MGLL: variants seen among roughly 807,000 people sequenced by gnomAD.
MGLL encodes the protein lysophospholipase homolog.
MGLL carries 7 observed loss-of-function variants against 29.1 expected under a neutral mutation model. That is an observed-to-expected ratio of 0.24 (90% confidence interval 0.14 to 0.45). The LOEUF (loss-of-function observed/expected upper bound fraction) is 0.45, where lower values mean the gene tolerates loss of function less well. MGLL is among the 20% of genes least tolerant of loss of function. MGLL has a pLI of 0.99. For synonymous variants in MGLL, 148 were observed against 168.3 expected, an observed-to-expected ratio of 0.88 and a Z score of 0.93; for missense variants, 356 against 413.6, an observed-to-expected ratio of 0.86 and a Z score of 1.21.
At chr3:127,780,590 A>G (rs2077107081) in intron 3 of MGLL, among the ~76,000 whole-genome samples, 1 of 152,246 alleles carries the variant, frequency 6.6e-6, no homozygotes, top group Admixed American at 6.5e-5. Context: ...ACTGTCAGTT[A>G]TGAGGACGCT....
At chr3:127,764,877 C>T (rs1267681794) in intron 3 of MGLL, among the ~76,000 whole-genome samples, 3 of 152,112 alleles carry the variant, frequency 2.0e-5, no homozygotes, top group Non-Finnish European at 2.9e-5. Context: ...TCATTTGGTT[C>T]CTTTTTAATC....
At chr3:127,777,943 C>G (rs887582085) in intron 3 of MGLL, among the ~76,000 whole-genome samples, 3 of 152,210 alleles carry the variant, frequency 2.0e-5, no homozygotes, top group Non-Finnish European at 4.4e-5. Flanking sequence ...CATTCAAACC[C>G]ATGAGTTCAT....
rs935488244 is a variant in MGLL, at chr3:127,692,012, G to T, written c.*186C>A. On this transcript the variant is annotated 3_prime_UTR_variant, in exon 8 of 8. Coordinates refer to ENST00000265052, the MANE Select transcript of MGLL (RefSeq NM_007283.7). The stretch of plus-strand genomic sequence containing the variant: ...ATAAAGTGTCTAACCATTAAGGTAG[G>T]TCCAGTGTCTGATAGTCTAATGTAT... 1.5e-5 allele frequency: 11 copies of T among 734,244 alleles called. No individual in the cohort carries two copies. The highest frequency in any genetic ancestry group is 2.2e-5 in the Non-Finnish European group (10 of 460,372). The allele number at this position is 734,244 out of a possible 1,614,324, so 45.5% of individuals were successfully genotyped here. A position where few individuals can be genotyped will look rare whatever the true frequency, so the allele number is the denominator to read the frequency against.
chr3:127,758,596 C>T lies in MGLL; in HGVS notation c.262+23193G>A, dbSNP rs551974503. Among the ~76,000 whole-genome samples, 11 of 152,308 alleles carry T rather than the reference C, an allele frequency of 7.2e-5. No homozygotes were observed. In the East Asian group the frequency reaches 1.2e-3, roughly 16 times the overall value. On this transcript the variant is annotated intron_variant, in intron 3 of 7. Coordinates refer to ENST00000265052, the MANE Select transcript of MGLL (RefSeq NM_007283.7). ...CCTTGTATAATTAAATGGTGTGTTC[C>T]GTTGTTAGTGCTGACAAAGTGCCAG...
intron 3 of MGLL, among the ~76,000 whole-genome samples, chr3:127,748,742 C>T (rs140273185): frequency 1.3e-5 from 2 of 152,246 alleles, no homozygotes; most frequent in South Asian, 2.1e-4. Context: ...AAATAAATCC[C>T]TGCTGTTGAA....
At chr3:127,800,138 T>C (rs2077450668) in intron 2 of MGLL, among the ~76,000 whole-genome samples, 1 of 152,198 alleles carries the variant, frequency 6.6e-6, no homozygotes, top group Non-Finnish European at 1.5e-5. Context: ...GAGAAGGCAA[T>C]GACCAGCTTT....
intron 2 of MGLL, among the ~76,000 whole-genome samples, chr3:127,786,593 G>A (rs2077217242): frequency 6.6e-6 from 1 of 152,220 alleles, no homozygotes; most frequent in African/African-American, 2.4e-5. Flanking sequence ...CCCTCGAGAT[G>A]AACAAGCCGC....
chr3:127,819,339 C>G lies in MGLL; in HGVS notation c.155+2355G>C, dbSNP rs138711864. Among the ~76,000 whole-genome samples the G allele has an allele frequency of 3.9e-3, 599 of 152,300 alleles. 15 individuals are homozygous for G. In the South Asian group the frequency reaches 0.059, roughly 15 times the overall value. ...GAAAATCTACCCAAACCAGTACTGACTAACCGAGGCTGGCACAGATCCTTC... is the reference window on the plus strand; with the variant it reads ...GAAAATCTACCCAAACCAGTACTGAGTAACCGAGGCTGGCACAGATCCTTC... On this transcript the variant is annotated intron_variant, in intron 2 of 7. Coordinates refer to ENST00000265052, the MANE Select transcript of MGLL (RefSeq NM_007283.7).
chr3:127,727,988 C>T (rs2076078731), intron 3 of MGLL, among the ~76,000 whole-genome samples: 1 of 152,140 alleles, frequency 6.6e-6, no homozygotes, highest in African/African-American at 2.4e-5. Context: ...AGTTTAAATT[C>T]TTACAAACAG....
chr3:127,802,512 G>A (rs1367791451), intron 2 of MGLL, among the ~76,000 whole-genome samples: 1 of 152,162 alleles, frequency 6.6e-6, no homozygotes, highest in Non-Finnish European at 1.5e-5. Flanking sequence ...CACCCCCCTT[G>A]TACTAGGCTG....
At chr3:127,751,363 C>A (rs56264604) in intron 3 of MGLL, among the ~76,000 whole-genome samples, 3,182 of 151,652 alleles carry the variant, frequency 0.021, 50 homozygotes, top group Non-Finnish European at 0.034. Context: ...ATGTGTGCCA[C>A]GCCTGAGCCT....
chr3:127,778,325 AC>A (rs1217836112), intron 3 of MGLL, among the ~76,000 whole-genome samples: 4 of 152,224 alleles, frequency 2.6e-5, no homozygotes, highest in African/African-American at 9.6e-5. Flanking sequence ...GCTCAGGGCA[AC>A]CACACGGGGA....
intron 6 of MGLL, 119 bp downstream of exon 6, chr3:127,710,457 C>T: frequency 1.0e-6 from 1 of 963,506 alleles, no homozygotes; most frequent in Non-Finnish European, 1.6e-6. Context: ...GTGTCCTTGT[C>T]ACTTTGCACA....
At chr3:127,713,608 C>G (rs1159889766) in intron 5 of MGLL, 5 of 151,296 alleles carry the variant, frequency 3.3e-5, no homozygotes, top group African/African-American at 1.2e-4. Flanking sequence ...GACCACCCAG[C>G]ATCCACACCA....
intron 3 of MGLL, among the ~76,000 whole-genome samples, chr3:127,736,824 A>G (rs915640176): frequency 6.6e-6 from 1 of 152,088 alleles, no homozygotes; most frequent in Admixed American, 6.5e-5. Context: ...CTTCCCGAGT[A>G]ACTGGGACCA....
intron 3 of MGLL, among the ~76,000 whole-genome samples, chr3:127,758,425 G>A (rs2076701866): frequency 6.6e-6 from 1 of 152,224 alleles, no homozygotes; most frequent in Non-Finnish European, 1.5e-5. Flanking sequence ...TGGGCATCAA[G>A]CTAATACATT....
intron 2 of MGLL, among the ~76,000 whole-genome samples, chr3:127,795,735 A>G (rs2077372531): frequency 6.6e-6 from 1 of 152,112 alleles, no homozygotes; most frequent in African/African-American, 2.4e-5. Context: ...AAATCTGCAC[A>G]TATGTAATAT....
chr3:127,768,669 T>A (rs762695042), intron 3 of MGLL, among the ~76,000 whole-genome samples: 1 of 152,140 alleles, frequency 6.6e-6, no homozygotes, highest in Non-Finnish European at 1.5e-5. Flanking sequence ...TCCTTCCCCC[T>A]CCCCTGGATA....
intron 6 of MGLL, among the ~76,000 whole-genome samples, chr3:127,697,940 G>T (rs1326608397): frequency 6.6e-6 from 1 of 152,194 alleles, no homozygotes; most frequent in African/African-American, 2.4e-5. Context: ...TGTTGCTAGC[G>T]ATGTCTTACA....
Sources: gnomAD v4.1 joint callset for allele counts (sites outside exome capture counted in the v4.1 genomes callset) on GRCh38, gnomAD v4.1.1 for gene constraint, MANE v1.5 for transcripts, NCBI Gene and HGNC (gene_info 2026-07-23, HGNC 2026-07-21) for gene names.